Variants in TM2D1 observed in about 807,000 individuals in gnomAD.
TM2D1 encodes the protein TM2 domain containing 1, also known as TM2 domain-containing protein 1.
A neutral mutation model predicts 28.4 loss-of-function variants in TM2D1; 15 were observed. That is an observed-to-expected ratio of 0.53 (90% CI 0.35 to 0.81). TM2D1 has a LOEUF of 0.81. TM2D1 is among the 40% of genes least tolerant of loss of function. TM2D1 has a pLI of 0.01. For missense variants in TM2D1, 236 were observed against 254.9 expected (o/e 0.93, Z 0.50); for synonymous variants, 93 against 96.2 (o/e 0.97, Z 0.20).
chr1:61,717,663 T>C (rs930814769), intron 2 of TM2D1, among the ~76,000 whole-genome samples: 8 of 151,994 alleles, frequency 5.3e-5, no homozygotes, highest in Non-Finnish European at 8.8e-5. Context: ...AGCCTCGAAG[T>C]CCTGCGCTCA....
chr1:61,692,171 T>C (rs1644333031), intron 5 of TM2D1, among the ~76,000 whole-genome samples: 1 of 151,594 alleles, frequency 6.6e-6, no homozygotes, highest in Admixed American at 6.6e-5. Flanking sequence ...TATCTGTATA[T>C]TTTTAGGAAC....
At chr1:61,691,781 GGT>G (rs1356011645) in intron 5 of TM2D1, among the ~76,000 whole-genome samples, 2 of 150,696 alleles carry the variant, frequency 1.3e-5, no homozygotes, top group Non-Finnish European at 3.0e-5. Context: ...CAGGCGTAGT[GGT>G]GTGTGCCTGT....
Position 61,683,516 on chromosome 1 carries a change from T to C in TM2D1, c.544A>G (p.Ile182Val), listed in dbSNP as rs769747621. 4 of 1,540,998 alleles carry C rather than the reference T, an allele frequency of 2.6e-6. No homozygotes were observed. The highest frequency in any genetic ancestry group is 2.6e-6 in the Non-Finnish European group (3 of 1,145,058). ...IVGPSDGSSYIIDYYGTRLTR... is the reference protein window; with the variant it reads ...IVGPSDGSSYVIDYYGTRLTR... The stretch of plus-strand genomic sequence containing the variant: ...AGTCTGGTTCCATAGTAATCTATAA[T>C]GTAACTACTTCCATCTGAAGGTCCA... The change falls in exon 6 of 7, where the codon ATT (isoleucine) becomes GTT (valine). Residue 182 changes from isoleucine (I) to valine (V), a missense_variant. By Grantham distance (29) the Ile-to-Val change is conservative. Transcript: ENST00000606498.
At chr1:61,692,568 G>A (rs1230461425) in intron 5 of TM2D1, among the ~76,000 whole-genome samples, 1 of 151,966 alleles carries the variant, frequency 6.6e-6, no homozygotes, top group African/African-American at 2.4e-5. Context: ...AGAAAGTCAT[G>A]GCAAGAATGG....
intron 3 of TM2D1, among the ~76,000 whole-genome samples, chr1:61,707,876 T>G (rs1644452032): frequency 6.6e-6 from 1 of 152,180 alleles, no homozygotes; most frequent in African/African-American, 2.4e-5. Flanking sequence ...GGCTTATTTC[T>G]TGAAACAACC....
In TM2D1 at chr1:61,682,411, T is replaced by C. The variant is rs1304227636; in HGVS notation, c.*19+1006A>G. On this transcript the variant is annotated intron_variant, in intron 6 of 6. Transcript: ENST00000606498. Reference sequence around the variant, plus strand: ...ATTTCTCTATTACAGAGAATCATTATACCAGGAAATGGTTTTCCTGATATT... The same window carrying C: ...ATTTCTCTATTACAGAGAATCATTACACCAGGAAATGGTTTTCCTGATATT... 3.9e-5 allele frequency among the ~76,000 whole-genome samples: 6 copies of C among 152,228 alleles called. No homozygotes were observed. In the East Asian group the frequency reaches 7.7e-4, roughly 20 times the overall value.
At chr1:61,706,441 G>A (rs1270372155) in intron 3 of TM2D1, among the ~76,000 whole-genome samples, 3 of 151,770 alleles carry the variant, frequency 2.0e-5, no homozygotes, top group Non-Finnish European at 4.4e-5. Context: ...CAAGCAATCC[G>A]CCTGCCTTGG....
At chr1:61,716,472 T>C (rs1045005966) in intron 2 of TM2D1, among the ~76,000 whole-genome samples, 2 of 145,488 alleles carry the variant, frequency 1.4e-5, no homozygotes, top group Non-Finnish European at 3.0e-5. Context: ...TATATAATTA[T>C]ATATAATTTT....
At chr1:61,717,658 C>T (rs558782550) in intron 2 of TM2D1, among the ~76,000 whole-genome samples, 33 of 152,070 alleles carry the variant, frequency 2.2e-4, no homozygotes, top group African/African-American at 8.0e-4. Flanking sequence ...ACTGTAGCCT[C>T]GAAGTCCTGC....
At chr1:61,724,884 C>T (rs1644593706) in intron 1 of TM2D1, 73 bp downstream of exon 1, 1 of 1,478,782 alleles carries the variant, frequency 6.8e-7, no homozygotes, top group African/African-American at 1.4e-5. Flanking sequence ...CTAGCCAGTC[C>T]TGACGGCAGC....
At chr1:61,714,261 G>C (rs1644501051) in intron 2 of TM2D1, among the ~76,000 whole-genome samples, 1 of 151,014 alleles carries the variant, frequency 6.6e-6, no homozygotes, top group African/African-American at 2.4e-5. Context: ...AAAGAGCCCT[G>C]GATGGGCGCA....
intron 1 of TM2D1, among the ~76,000 whole-genome samples, 199 bp from the exon 2 acceptor site, chr1:61,723,985 A>G (rs552425300): frequency 7.2e-4 from 109 of 152,308 alleles, no homozygotes; most frequent in Non-Finnish European, 1.2e-3. Flanking sequence ...ACTGGAGCCC[A>G]GGAGTTTGGG....
intron 3 of TM2D1, among the ~76,000 whole-genome samples, chr1:61,704,137 G>A (rs1268835709): frequency 2.0e-5 from 3 of 151,520 alleles, no homozygotes; most frequent in African/African-American, 7.3e-5. Flanking sequence ...TGATCTGCCC[G>A]CCTTGGCCTC....
chr1:61,700,840 A>T (rs1644395481), intron 4 of TM2D1, 94 bp downstream of exon 4: 1 of 897,252 alleles, frequency 1.1e-6, no homozygotes, highest in South Asian at 1.7e-5. Context: ...TATAGAACTT[A>T]TAATAAATAC....
chr1:61,724,846 C>G (rs1406168440), intron 1 of TM2D1, 111 bp downstream of exon 1: 15 of 1,190,910 alleles, frequency 1.3e-5, no homozygotes, highest in Middle Eastern at 2.4e-4. Flanking sequence ...AGCCACAGAT[C>G]AGATTATCGT....
chr1:61,688,878 C>G (rs1644304330), intron 5 of TM2D1, among the ~76,000 whole-genome samples: 1 of 141,572 alleles, frequency 7.1e-6, no homozygotes, highest in Non-Finnish European at 1.5e-5. Context: ...AACGCCATCT[C>G]TACTAAAAAT....
chr1:61,725,141 C>CGCCACT, upstream of TM2D1: 1 of 1,613,204 alleles, frequency 6.2e-7, no homozygotes. Flanking sequence ...GACACTTTCT[C>CGCCACT]GCCACTTCCG....
At chr1:61,711,329 CAA>C (rs1203013202) in intron 2 of TM2D1, among the ~76,000 whole-genome samples, 19 of 86,008 alleles carry the variant, frequency 2.2e-4, no homozygotes, top group Admixed American at 3.9e-4. Context: ...AACTCCACCT[CAA>C]AAAAAAAAAA....
chr1:61,700,379 TAA>T, intron 4 of TM2D1: 1 of 1,276,884 alleles, frequency 7.8e-7, no homozygotes, highest in Non-Finnish European at 1.0e-6. Flanking sequence ...TCATAAAATG[TAA>T]ATAGTTTTCA....
Sources: allele counts gnomAD v4.1 joint callset (sites outside exome capture counted in the v4.1 genomes callset), GRCh38; gene constraint gnomAD v4.1.1; transcripts MANE v1.5; gene names NCBI Gene and HGNC (gene_info 2026-07-23, HGNC 2026-07-21).